The following DEPDC4 variants were observed in gnomAD, a reference collection of about 807,000 sequenced individuals.
The protein encoded by DEPDC4 is DEP domain containing 4.
A neutral mutation model predicts 52.0 loss-of-function variants in DEPDC4; 52 were observed. The ratio of observed to expected loss-of-function variants is 1.00; its 90% confidence interval spans 0.80 to 1.26. The LOEUF is 1.26. Ranked by LOEUF, DEPDC4 falls within the 50% of genes most tolerant of loss-of-function variation. The pLI, the probability that DEPDC4 is intolerant of heterozygous loss-of-function variation, is 0.00. For synonymous variants in DEPDC4, 201 were observed against 196.8 expected, an observed-to-expected ratio of 1.02 and a Z score of -0.18; for missense variants, 530 against 546.9, an observed-to-expected ratio of 0.97 and a Z score of 0.31.
intron 3 of DEPDC4, among the ~76,000 whole-genome samples, chr12:100,257,371 C>T (rs2153913351): frequency 6.6e-6 from 1 of 151,616 alleles, no homozygotes; most frequent in South Asian, 2.1e-4. Context: ...AGCCACTGTG[C>T]CCAGCCTGTT....
chr12:100,234,825 A>G (rs1445782423), intron 9 of DEPDC4, among the ~76,000 whole-genome samples: 3 of 152,216 alleles, frequency 2.0e-5, no homozygotes, highest in Non-Finnish European at 4.4e-5. Context: ...GTTTAGCCTA[A>G]CATTGAATGA....
In DEPDC4 at chr12:100,252,474, T is replaced by G; in HGVS notation, c.1168A>C (p.Asn390His). 1 of 1,608,662 alleles carries G rather than the reference T, an allele frequency of 6.2e-7. No individual in the cohort carries two copies. The highest frequency in any genetic ancestry group is 8.5e-7 in the Non-Finnish European group (1 of 1,179,852). Reference protein sequence around the residue: ...TQLYLRLLLLNIREELRRLLT... With the variant: ...TQLYLRLLLLHIREELRRLLT... ...AGCCGTCGTAATTCTTCTCTAATGT[T>G]CAGCAACAGCAATCTTAGATATAGT... The change falls in exon 6 of 10, where the codon AAC becomes CAC. Residue 390 changes from asparagine to histidine, a missense_variant. By Grantham distance (68) the Asn-to-His change is moderately conservative. Coordinates refer to ENST00000550587, the MANE Select transcript of DEPDC4 (RefSeq NM_001364818.2).
rs1445926137 is a variant in DEPDC4, at chr12:100,240,258, G to T, written c.*1634C>A. On this transcript the variant is annotated 3_prime_UTR_variant, in exon 10 of 10. Coordinates refer to ENST00000550587, the MANE Select transcript of DEPDC4 (RefSeq NM_001364818.2). ...CAGCCTAAAACTCCTGGGCTCAAGA[G>T]ATCCTCCCACCTCAGCCTCCTGAGT... Among the ~76,000 whole-genome samples, 1 of 152,098 alleles carries T rather than the reference G, an allele frequency of 6.6e-6. No individual in the cohort carries two copies. Among genetic ancestry groups the T allele is most frequent in the Non-Finnish European group, 1.5e-5 (1 of 68,024 alleles).
chr12:100,261,654 T>C (rs2096253986), intron 3 of DEPDC4: 2 of 455,514 alleles, frequency 4.4e-6, no homozygotes, highest in South Asian at 3.1e-5. Context: ...CAGTGCAGAC[T>C]ATAGCACCTC....
chr12:100,244,551 T>C (rs1327350951), intron 8 of DEPDC4, among the ~76,000 whole-genome samples: 2 of 151,752 alleles, frequency 1.3e-5, no homozygotes, highest in African/African-American at 4.8e-5. Context: ...TCATGGCTCA[T>C]TGCAGCCTGG....
intron 3 of DEPDC4, among the ~76,000 whole-genome samples, chr12:100,260,169 G>C (rs2096248850): frequency 6.6e-6 from 1 of 151,558 alleles, no homozygotes; most frequent in Admixed American, 6.6e-5. Context: ...TGCCCAGGCT[G>C]CAGTGCAAAG....
intron 3 of DEPDC4, among the ~76,000 whole-genome samples, chr12:100,257,305 T>C (rs2096237686): frequency 6.6e-6 from 1 of 151,716 alleles, no homozygotes; most frequent in Non-Finnish European, 1.5e-5. Context: ...CTCAAACTTC[T>C]GACCTCAAGT....
upstream of DEPDC4, among the ~76,000 whole-genome samples, chr12:100,270,362 C>T (rs2096286300): frequency 6.6e-6 from 1 of 152,120 alleles, no homozygotes; most frequent in Non-Finnish European, 1.5e-5. Flanking sequence ...ATTTCCTACT[C>T]AGTTATTCCT....
rs924896642 is a variant in DEPDC4, at chr12:100,240,826, G to A, written c.*1066C>T. Among the ~76,000 whole-genome samples, 30 of 152,322 alleles carry A rather than the reference G, an allele frequency of 2.0e-4. No homozygotes were observed. Among genetic ancestry groups the A allele is most frequent in the African/African-American group, 7.2e-4 (30 of 41,578 alleles). ...CCAGCACCTTGGGAGGCTAAGGTGGGCAGATCACCTGAGGTCAGGAGTTCA... is the reference window on the plus strand; with the variant it reads ...CCAGCACCTTGGGAGGCTAAGGTGGACAGATCACCTGAGGTCAGGAGTTCA... On this transcript the variant is annotated 3_prime_UTR_variant, in exon 10 of 10. Coordinates refer to ENST00000550587, the MANE Select transcript of DEPDC4 (RefSeq NM_001364818.2).
upstream of DEPDC4, among the ~76,000 whole-genome samples, chr12:100,270,012 A>T (rs11110325): frequency 5.1e-3 from 756 of 147,684 alleles, 13 homozygotes; most frequent in African/African-American, 0.018. Context: ...TGTGAGACGG[A>T]GTGTCACTCT....
chr12:100,265,093 T>G (rs2096266753), intron 1 of DEPDC4, among the ~76,000 whole-genome samples: 1 of 141,130 alleles, frequency 7.1e-6, no homozygotes, highest in Non-Finnish European at 1.5e-5. Context: ...GAACTCAGGA[T>G]TTCAAGACTA....
At chr12:100,264,003 T>C (rs926252715) in intron 1 of DEPDC4, 110 bp from the exon 2 acceptor site, 3 of 946,730 alleles carry the variant, frequency 3.2e-6, no homozygotes, top group Non-Finnish European at 4.7e-6. Flanking sequence ...GCTGGTAATG[T>C]CCTTCTTACG....
At chr12:100,277,821 G>GT in the DEPDC4 span, among the ~76,000 whole-genome samples, 7 of 151,092 alleles carry the variant, frequency 4.6e-5, no homozygotes, top group African/African-American at 1.5e-4. Context: ...TTACTTTAGG[G>GT]TTTTTTTTAC....
At chr12:100,279,671 G>A in the DEPDC4 span, among the ~76,000 whole-genome samples, 1 of 152,128 alleles carries the variant, frequency 6.6e-6, no homozygotes, top group South Asian at 2.1e-4. Context: ...CTCTAAGGGT[G>A]GCTTACCCCA....
At chr12:100,237,114 T>TG (rs2096142456), downstream of DEPDC4, among the ~76,000 whole-genome samples, 1 of 152,190 alleles carries the variant, frequency 6.6e-6, no homozygotes, top group African/African-American at 2.4e-5. Context: ...AATCAGGTAC[T>TG]GTGATGCCTC....
intron 8 of DEPDC4, among the ~76,000 whole-genome samples, chr12:100,243,672 G>A (rs2096170147): frequency 1.3e-5 from 2 of 151,650 alleles, no homozygotes; most frequent in African/African-American, 4.8e-5. Flanking sequence ...TTCTTCTGAT[G>A]CCTTCCTCTC....
Position 100,266,966 on chromosome 12 carries a change from T to C in DEPDC4, c.111A>G (p.Pro37=), listed in dbSNP as rs879104184. The part of the protein sequence containing the change: ...NELPGPGLNG[P]SSRNRRDGFC... ...AGCCATCTCTACGGTTCCTGGAACT[T>C]GGCCCGTTCAGCCCTGGGCCCGGAA... The change falls in exon 1 of 10, where the codon CCA becomes CCG. Residue 37 remains proline, a synonymous_variant. Coordinates refer to ENST00000550587, the MANE Select transcript of DEPDC4 (RefSeq NM_001364818.2). 3 of 1,613,994 alleles carry C rather than the reference T, an allele frequency of 1.9e-6. No individual in the cohort carries two copies. Among genetic ancestry groups the C allele is most frequent in the Non-Finnish European group, 8.5e-7 (1 of 1,179,918 alleles).
chr12:100,244,087 C>CTGTATATA lies in DEPDC4; in HGVS notation c.1454-1519_1454-1518insTATATACA, dbSNP rs1232632811. 5.1e-4 allele frequency among the ~76,000 whole-genome samples: 15 copies of CTGTATATA among 29,438 alleles called. 1 individual carries two copies. Among genetic ancestry groups the CTGTATATA allele is most frequent in the African/African-American group, 7.5e-4 (6 of 7,952 alleles). The allele number at this position is 29,438 out of a possible 152,430, so 19.3% of individuals were successfully genotyped here. A position where few individuals can be genotyped will look rare whatever the true frequency, so the allele number is the denominator to read the frequency against. Reference sequence around the variant, plus strand: ...GGTGTCTCCCTCTCTCTCTCTCTCTCTCTCTGTGTATATATATATATATAT... The same window carrying CTGTATATA: ...GGTGTCTCCCTCTCTCTCTCTCTCTCTGTATATATCTCTGTGTATATATATATATATAT... On this transcript the variant is annotated intron_variant, in intron 8 of 9. Coordinates refer to ENST00000550587, the MANE Select transcript of DEPDC4 (RefSeq NM_001364818.2).
chr12:100,259,283 C>G (rs551635084), intron 3 of DEPDC4, among the ~76,000 whole-genome samples: 1 of 151,874 alleles, frequency 6.6e-6, no homozygotes, highest in East Asian at 1.9e-4. Context: ...GCAGCCAGTC[C>G]GTTATTGAGA....
Sources: gnomAD v4.1 joint callset for allele counts (sites outside exome capture counted in the v4.1 genomes callset) on GRCh38, gnomAD v4.1.1 for gene constraint, MANE v1.5 for transcripts, NCBI Gene and HGNC (gene_info 2026-07-23, HGNC 2026-07-21) for gene names.